Variants in FSTL4 observed in about 807,000 individuals in gnomAD.
The protein encoded by FSTL4 is follistatin like 4, also known as follistatin-related protein 4.
Under a neutral mutation model 78.2 loss-of-function variants are expected in FSTL4, and 28 were observed. The observed-to-expected ratio is 0.36, with a 90% CI of 0.27 to 0.49. The LOEUF (loss-of-function observed/expected upper bound fraction) is 0.49, where lower values mean the gene tolerates loss of function less well. Ranked by LOEUF, FSTL4 falls within the 20% of genes least tolerant of loss-of-function variation. FSTL4 has a pLI of 0.98. For synonymous variants in FSTL4, 422 were observed against 440.5 expected, an observed-to-expected ratio of 0.96 and a Z score of 0.53; for missense variants, 922 against 1,084.9, an observed-to-expected ratio of 0.85 and a Z score of 2.11.
the FSTL4 span, among the ~76,000 whole-genome samples, chr5:133,736,620 A>T: frequency 1.1e-3 from 167 of 152,294 alleles, no homozygotes; most frequent in African/African-American, 4.0e-3. Flanking sequence ...CAGACAAGAG[A>T]CACCACGGGT....
At chr5:133,203,011 C>T (rs1750380005) in intron 14 of FSTL4, among the ~76,000 whole-genome samples, 1 of 152,190 alleles carries the variant, frequency 6.6e-6, no homozygotes, top group African/African-American at 2.4e-5. Flanking sequence ...GGCTGGGCAG[C>T]CCCTCTGTCA....
chr5:133,789,643 G>A, the FSTL4 span, among the ~76,000 whole-genome samples: 4 of 152,322 alleles, frequency 2.6e-5, no homozygotes, highest in Non-Finnish European at 5.9e-5. Context: ...AAGTACCACC[G>A]ACTGGGTGGC....
intron 3 of FSTL4, among the ~76,000 whole-genome samples, chr5:133,563,701 G>A (rs1186989270): frequency 6.6e-6 from 1 of 152,228 alleles, no homozygotes; most frequent in Non-Finnish European, 1.5e-5. Flanking sequence ...AAAAGGCACT[G>A]CATGGAATGC....
the FSTL4 span, among the ~76,000 whole-genome samples, chr5:133,653,440 A>G: frequency 6.6e-6 from 1 of 152,176 alleles, no homozygotes; most frequent in East Asian, 1.9e-4. Context: ...TGTGAAAGCT[A>G]GCTCTGGGTA....
chr5:133,242,832 C>T (rs972518102), intron 7 of FSTL4, among the ~76,000 whole-genome samples: 5 of 152,172 alleles, frequency 3.3e-5, no homozygotes, highest in Admixed American at 2.0e-4. Context: ...ACAAAATGTA[C>T]CCAAGCATTT....
the FSTL4 span, among the ~76,000 whole-genome samples, chr5:133,793,725 T>A: frequency 6.6e-6 from 1 of 152,140 alleles, no homozygotes; most frequent in Non-Finnish European, 1.5e-5. Context: ...CGGCAACCCC[T>A]CAGGGTCAGC....
At chr5:133,431,588 G>C (rs1391701155) in intron 3 of FSTL4, among the ~76,000 whole-genome samples, 1 of 152,130 alleles carries the variant, frequency 6.6e-6, no homozygotes, top group Non-Finnish European at 1.5e-5. Context: ...ACTGGATAAG[G>C]CCCTCAATTA....
intron 14 of FSTL4, chr5:133,208,251 T>C (rs1750589582): frequency 6.6e-6 from 1 of 152,262 alleles, no homozygotes; most frequent in South Asian, 2.1e-4. Flanking sequence ...TATATCTTTC[T>C]TTTGTCCTGA....
chr5:133,736,028 G>A, the FSTL4 span, among the ~76,000 whole-genome samples: 4 of 152,194 alleles, frequency 2.6e-5, no homozygotes, highest in Non-Finnish European at 4.4e-5. Flanking sequence ...TCCCTGGCAT[G>A]GATGCTATCA....
rs185160145 is a variant in FSTL4, at chr5:133,210,335, A to T, written c.1609-37T>A. 1,507 of 1,210,340 alleles carry T rather than the reference A, an allele frequency of 1.2e-3. 3 individuals are homozygous for T. Among genetic ancestry groups the T allele is most frequent in the Admixed American group, 2.0e-3 (116 of 59,170 alleles). The allele number at this position is 1,210,340 out of a possible 1,614,324, so 75.0% of individuals were successfully genotyped here. A position where few individuals can be genotyped will look rare whatever the true frequency, so the allele number is the denominator to read the frequency against. ...ATAGTGACATGTTGTGAAAGCTGACATGATGGTCATTTCTGGGCGTTGTAT... is the reference window on the plus strand; with the variant it reads ...ATAGTGACATGTTGTGAAAGCTGACTTGATGGTCATTTCTGGGCGTTGTAT... On this transcript the variant is annotated intron_variant, in intron 13 of 15. Coordinates refer to ENST00000265342, the MANE Select transcript of FSTL4 (RefSeq NM_015082.2).
the FSTL4 span, among the ~76,000 whole-genome samples, chr5:133,765,242 A>C: frequency 6.6e-6 from 1 of 152,248 alleles, no homozygotes; most frequent in East Asian, 1.9e-4. Context: ...AGGTTAAAGC[A>C]TAAGGTTTCT....
intron 3 of FSTL4, among the ~76,000 whole-genome samples, chr5:133,463,950 A>C (rs1395872657): frequency 6.6e-6 from 1 of 152,228 alleles, no homozygotes; most frequent in Non-Finnish European, 1.5e-5. Flanking sequence ...GAGCAGTTCC[A>C]AGCCTTCTTG....
intron 3 of FSTL4, among the ~76,000 whole-genome samples, chr5:133,451,894 A>C (rs1343513526): frequency 6.6e-6 from 1 of 152,250 alleles, no homozygotes; most frequent in African/African-American, 2.4e-5. Flanking sequence ...GAGATTGCGC[A>C]TGAGCTATAG....
intron 3 of FSTL4, among the ~76,000 whole-genome samples, chr5:133,460,003 C>T (rs185313815): frequency 1.3e-5 from 2 of 152,188 alleles, no homozygotes; most frequent in African/African-American, 4.8e-5. Context: ...GAAATATCCT[C>T]CCCATAGGGT....
At chr5:133,794,170 T>C in the FSTL4 span, among the ~76,000 whole-genome samples, 1 of 152,278 alleles carries the variant, frequency 6.6e-6, no homozygotes, top group Non-Finnish European at 1.5e-5. Context: ...GCCAGGTCTA[T>C]CCAACCCAGA....
the FSTL4 span, among the ~76,000 whole-genome samples, chr5:133,712,932 C>T: frequency 7.9e-5 from 12 of 152,306 alleles, no homozygotes; most frequent in East Asian, 2.1e-3. Context: ...TCCCCTGCCA[C>T]GGGATAGATG....
intron 4 of FSTL4, among the ~76,000 whole-genome samples, chr5:133,323,748 A>T (rs1362838972): frequency 6.6e-6 from 1 of 152,232 alleles, no homozygotes. Context: ...CTCCCAGACC[A>T]GGCCTGCTTT....
At chr5:133,242,058 C>A (rs1002317885) in intron 7 of FSTL4, among the ~76,000 whole-genome samples, 3 of 152,190 alleles carry the variant, frequency 2.0e-5, no homozygotes, top group Non-Finnish European at 2.9e-5. Context: ...TTTGGCAAAA[C>A]CCATCAAAAC....
At chr5:133,210,050 C>T (rs1750652626) in intron 14 of FSTL4, 141 bp downstream of exon 14, 2 of 571,138 alleles carry the variant, frequency 3.5e-6, no homozygotes, top group South Asian at 2.3e-5. Context: ...AGGCTGTTTC[C>T]TACTCTCTCC....
Sources: allele counts gnomAD v4.1 joint callset (sites outside exome capture counted in the v4.1 genomes callset), GRCh38; gene constraint gnomAD v4.1.1; transcripts MANE v1.5; gene names NCBI Gene and HGNC (gene_info 2026-07-23, HGNC 2026-07-21).